The following ADAMTSL1 variants were observed in gnomAD, a reference collection of about 807,000 sequenced individuals.
ADAMTSL1 encodes the protein ADAMTS-like protein 1.
In ADAMTSL1, 126 loss-of-function variants were observed where a neutral mutation model predicts 201.8. That is an observed-to-expected ratio of 0.62 (90% CI 0.54 to 0.72). ADAMTSL1 has a LOEUF of 0.72. ADAMTSL1 is among the 30% of genes least tolerant of loss of function. The pLI is 0.00. For synonymous variants in ADAMTSL1, 1,121 were observed against 903.4 expected, an observed-to-expected ratio of 1.24 and a Z score of -4.32; for missense variants, 2,679 against 2,277.8, an observed-to-expected ratio of 1.18 and a Z score of -3.59.
intron 19 of ADAMTSL1, chr9:18,793,339 C>T (rs1822172091): frequency 6.6e-6 from 1 of 152,218 alleles, no homozygotes; most frequent in South Asian, 2.1e-4. Context: ...TGGTCACCCA[C>T]CTCAGAATAA....
intron 2 of ADAMTSL1, among the ~76,000 whole-genome samples, chr9:18,429,532 T>C (rs1196021743): frequency 6.6e-6 from 1 of 152,154 alleles, no homozygotes; most frequent in African/African-American, 2.4e-5. Flanking sequence ...CAGTTGCTAA[T>C]TAAATTAAAG....
chr9:17,971,243 C>T (rs1365856859), intron 1 of ADAMTSL1, among the ~76,000 whole-genome samples: 1 of 151,968 alleles, frequency 6.6e-6, no homozygotes, highest in Admixed American at 6.6e-5. Flanking sequence ...GTCCTTTGAA[C>T]ATTGAAACCA....
chr9:18,500,331 T>C (rs1346194780), intron 1 of ADAMTSL1, among the ~76,000 whole-genome samples: 1 of 152,246 alleles, frequency 6.6e-6, no homozygotes, highest in Non-Finnish European at 1.5e-5. Flanking sequence ...AGGAGAGCTC[T>C]TCTAGTATTT....
At chr9:18,577,270 G>C (rs939312750) in intron 4 of ADAMTSL1, among the ~76,000 whole-genome samples, 1 of 152,136 alleles carries the variant, frequency 6.6e-6, no homozygotes, top group African/African-American at 2.4e-5. Flanking sequence ...CGGATCACTC[G>C]AGGTCCGGAG....
rs1009872949 is a variant in ADAMTSL1 at position 18,906,542 on chromosome 9, A to G, written c.4962-150A>G. 5.8e-5 allele frequency: 38 copies of G among 656,082 alleles called. No homozygotes were observed. In the East Asian group the frequency reaches 7.5e-4, roughly 13 times the overall value. 40.6% of individuals were successfully genotyped at this position (656,082 alleles called of 1,614,324 possible). A position where few individuals can be genotyped will look rare whatever the true frequency, so the allele number is the denominator to read the frequency against. On this transcript the variant is annotated intron_variant, in intron 27 of 28. Coordinates refer to ENST00000380548, the MANE Select transcript of ADAMTSL1 (RefSeq NM_001040272.6). The stretch of plus-strand genomic sequence containing the variant: ...TCTTGAGATCATATGGCCTTTTAGT[A>G]ACAGCACAGAAATCAGAATCCAGGT...
chr9:18,151,683 A>G (rs1306100736), intron 1 of ADAMTSL1, among the ~76,000 whole-genome samples: 1 of 152,074 alleles, frequency 6.6e-6, no homozygotes, highest in Non-Finnish European at 1.5e-5. Flanking sequence ...GTATCTTTAT[A>G]ACATAGTAAG....
intron 1 of ADAMTSL1, among the ~76,000 whole-genome samples, chr9:18,155,755 A>T (rs147852357): frequency 1.4e-4 from 21 of 152,048 alleles, no homozygotes; most frequent in Non-Finnish European, 2.2e-4. Context: ...CATCGTGGAG[A>T]CTGGGTGGCC....
intron 2 of ADAMTSL1, among the ~76,000 whole-genome samples, chr9:18,384,659 T>C (rs575030973): frequency 3.9e-5 from 6 of 152,286 alleles, no homozygotes; most frequent in African/African-American, 1.4e-4. Flanking sequence ...AATCTTGCCA[T>C]CTGCTGAATT....
At chr9:18,266,962 T>C (rs1447618680) in intron 2 of ADAMTSL1, among the ~76,000 whole-genome samples, 2 of 152,148 alleles carry the variant, frequency 1.3e-5, no homozygotes, top group Non-Finnish European at 2.9e-5. Flanking sequence ...GTTTCTCACC[T>C]GAAGACGACG....
At chr9:18,265,962 G>C (rs1832104455) in intron 2 of ADAMTSL1, among the ~76,000 whole-genome samples, 1 of 152,010 alleles carries the variant, frequency 6.6e-6, no homozygotes, top group Non-Finnish European at 1.5e-5. Flanking sequence ...ACTATTTTTT[G>C]AGTGATATTT....
At chr9:18,567,246 C>G (rs1254598370) in intron 3 of ADAMTSL1, among the ~76,000 whole-genome samples, 1 of 152,156 alleles carries the variant, frequency 6.6e-6, no homozygotes, top group African/African-American at 2.4e-5. Flanking sequence ...AGGTGGATCT[C>G]TTGAGGTCAG....
chr9:18,399,854 G>A (rs1306565555), intron 2 of ADAMTSL1, among the ~76,000 whole-genome samples: 1 of 152,078 alleles, frequency 6.6e-6, no homozygotes, highest in African/African-American at 2.4e-5. Flanking sequence ...TGGTGTTGGT[G>A]CTGGTCCAAA....
chr9:18,653,775 G>T (rs776782), intron 7 of ADAMTSL1, among the ~76,000 whole-genome samples: 1 of 151,952 alleles, frequency 6.6e-6, no homozygotes, highest in Non-Finnish European at 1.5e-5. Flanking sequence ...TTTTTAATCT[G>T]CTAATGCCTA....
intron 3 of ADAMTSL1, among the ~76,000 whole-genome samples, chr9:18,568,860 T>C (rs1257770056): frequency 3.3e-5 from 5 of 151,998 alleles, no homozygotes; most frequent in Non-Finnish European, 7.4e-5. Flanking sequence ...TATAATAGGT[T>C]AAATGAAACA....
chr9:18,003,262 A>C (rs796545201), intron 1 of ADAMTSL1, among the ~76,000 whole-genome samples: 3 of 146,134 alleles, frequency 2.1e-5, no homozygotes, highest in African/African-American at 7.6e-5. Flanking sequence ...AGCTACTGAC[A>C]GTCTACATGT....
In ADAMTSL1 at chr9:18,680,532, T is replaced by C; in HGVS notation, c.1341+16T>C. 6.2e-7 allele frequency: 1 copy of C among 1,613,428 alleles called. No individual in the cohort carries two copies. Among genetic ancestry groups the C allele is most frequent in the East Asian group, 2.2e-5 (1 of 44,870 alleles). ...GTGGTCTCCGGTAACTGTGCCTTCT[T>C]TCTTTGTTCATTAGGAGAGTAAGTC... On this transcript the variant is annotated intron_variant, in intron 11 of 28. Coordinates refer to ENST00000380548, the MANE Select transcript of ADAMTSL1 (RefSeq NM_001040272.6).
chr9:18,481,009 G>A (rs1055633796), intron 1 of ADAMTSL1, among the ~76,000 whole-genome samples: 2 of 152,050 alleles, frequency 1.3e-5, no homozygotes, highest in African/African-American at 4.8e-5. Context: ...CAAGGGGAAG[G>A]CGAATATAAC....
chr9:18,199,808 T>G (rs1367883074), intron 2 of ADAMTSL1, among the ~76,000 whole-genome samples: 1 of 152,140 alleles, frequency 6.6e-6, no homozygotes, highest in Admixed American at 6.6e-5. Context: ...TGGTAAAATG[T>G]GTGTGCTAAG....
chr9:17,929,726 C>T (rs1185802137), intron 1 of ADAMTSL1, among the ~76,000 whole-genome samples: 2 of 152,212 alleles, frequency 1.3e-5, no homozygotes, highest in Non-Finnish European at 1.5e-5. Flanking sequence ...TGGCCTGCAG[C>T]TTAAGTATCA....
Sources: gnomAD v4.1 joint callset for allele counts (sites outside exome capture counted in the v4.1 genomes callset) on GRCh38, gnomAD v4.1.1 for gene constraint, MANE v1.5 for transcripts, NCBI Gene and HGNC (gene_info 2026-07-23, HGNC 2026-07-21) for gene names.